Variants in ALK observed in about 807,000 individuals in gnomAD.
The protein encoded by ALK is ALK receptor tyrosine kinase.
A neutral mutation model predicts 163.1 loss-of-function variants in ALK; 74 were observed. That is an observed-to-expected ratio of 0.45 (90% CI 0.38 to 0.55). The LOEUF (loss-of-function observed/expected upper bound fraction) is 0.55. Among genes scored for constraint, ALK ranks in the 20% least tolerant of loss-of-function variants. ALK has a pLI of 0.00. For missense variants in ALK, 2,063 were observed against 2,105.3 expected (o/e 0.98, Z 0.39); for synonymous variants, 960 against 843.2 (o/e 1.14, Z -2.40).
chr2:29,575,959 A>T (rs11127227), intron 3 of ALK, among the ~76,000 whole-genome samples: 98,341 of 151,948 alleles, frequency 0.65, 32,240 homozygotes, highest in African/African-American at 0.75. Flanking sequence ...ATGTGTTTAT[A>T]TGAGAGCATA....
chr2:29,725,327 C>G (rs1679541320), intron 1 of ALK, among the ~76,000 whole-genome samples: 1 of 152,076 alleles, frequency 6.6e-6, no homozygotes, highest in Non-Finnish European at 1.5e-5. Flanking sequence ...AACTTATGCC[C>G]AAGCTAATCT....
At chr2:29,204,459 T>C (rs951557334) in intron 26 of ALK, among the ~76,000 whole-genome samples, 2 of 152,174 alleles carry the variant, frequency 1.3e-5, no homozygotes, top group African/African-American at 4.8e-5. Context: ...TATTCCTCAA[T>C]TGGGATTTGT....
At chr2:29,268,899 G>A (rs190592724) in intron 11 of ALK, among the ~76,000 whole-genome samples, 53 of 152,258 alleles carry the variant, frequency 3.5e-4, no homozygotes, top group African/African-American at 1.3e-3. Flanking sequence ...AGGTAGCTCC[G>A]TATGTGTCAG....
intron 1 of ALK, among the ~76,000 whole-genome samples, chr2:29,881,955 T>C (rs1445941498): frequency 6.6e-6 from 1 of 152,112 alleles, no homozygotes; most frequent in Non-Finnish European, 1.5e-5. Context: ...GCCTGCAGAA[T>C]GGGGTGTGAC....
At chr2:29,681,737 AC>A (rs1334180529) in intron 3 of ALK, among the ~76,000 whole-genome samples, 1 of 142,444 alleles carries the variant, frequency 7.0e-6, no homozygotes, top group Non-Finnish European at 1.6e-5. Flanking sequence ...TTCACCTACA[AC>A]CCCCCTGGGC....
In ALK at chr2:29,470,276, T is replaced by C. The variant is rs113269169; in HGVS notation, c.1154+61639A>G. 5.9e-5 allele frequency among the ~76,000 whole-genome samples: 9 copies of C among 152,132 alleles called. No homozygotes were observed. In the South Asian group the frequency reaches 8.3e-4, roughly 14 times the overall value. ...ACAATGAAAAGGTCTAAAATACATA[T>C]AATTTGAAGTCCCAGACAAGAGGAA... On this transcript the variant is annotated intron_variant, in intron 4 of 28. Transcript: ENST00000389048.
chr2:29,294,043 C>T (rs1301412285), intron 9 of ALK, among the ~76,000 whole-genome samples: 1 of 152,218 alleles, frequency 6.6e-6, no homozygotes, highest in East Asian at 1.9e-4. Context: ...TGCTGAATAG[C>T]TGAAGCCAGG....
intron 1 of ALK, among the ~76,000 whole-genome samples, chr2:29,902,008 TTTCTC>T (rs1667425462): frequency 6.6e-6 from 1 of 152,214 alleles, no homozygotes; most frequent in Admixed American, 6.5e-5. Flanking sequence ...AAGCTTTTCA[TTTCTC>T]TTATCTTCCA....
intron 1 of ALK, among the ~76,000 whole-genome samples, chr2:29,854,194 C>T (rs535869810): frequency 3.5e-5 from 3 of 86,066 alleles, no homozygotes; most frequent in South Asian, 6.1e-4. Flanking sequence ...GCTACGTTAA[C>T]GTTCCCTGTA....
rs1667661660 is a variant in ALK, at chr2:29,910,041, C to T, written c.667+9952G>A. On this transcript the variant is annotated intron_variant, in intron 1 of 28. Coordinates refer to ENST00000389048, the MANE Select transcript of ALK (RefSeq NM_004304.5). ...GAAGCAGGAAAATGTGACCTATTTC[C>T]AAGAGAAAAACTGATCAATATAAGT... is the stretch of plus-strand genomic sequence containing the variant. Among the ~76,000 whole-genome samples the T allele has an allele frequency of 2.0e-5, 3 of 148,562 alleles. No individual in the cohort carries two copies. In the South Asian group the frequency reaches 6.3e-4, roughly 31 times the overall value.
At chr2:29,575,980 C>T (rs1450028033) in intron 3 of ALK, among the ~76,000 whole-genome samples, 1 of 152,108 alleles carries the variant, frequency 6.6e-6, no homozygotes, top group Non-Finnish European at 1.5e-5. Flanking sequence ...CTGTGCACCT[C>T]CTGAGCCTCC....
chr2:29,727,524 A>G (rs991602352), intron 1 of ALK, among the ~76,000 whole-genome samples: 1 of 152,168 alleles, frequency 6.6e-6, no homozygotes, highest in Non-Finnish European at 1.5e-5. Context: ...GTTTCTCTGC[A>G]TGTAAAACAG....
chr2:29,867,496 A>G (rs1666464783), intron 1 of ALK, among the ~76,000 whole-genome samples: 1 of 152,200 alleles, frequency 6.6e-6, no homozygotes, highest in Non-Finnish European at 1.5e-5. Flanking sequence ...TGTTCATGGT[A>G]TTCAACAGAT....
chr2:29,433,029 C>T (rs1670310951), intron 4 of ALK, among the ~76,000 whole-genome samples: 1 of 152,172 alleles, frequency 6.6e-6, no homozygotes, highest in Non-Finnish European at 1.5e-5. Flanking sequence ...TGATTTCACA[C>T]AATTAACAAA....
chr2:29,575,558 G>A (rs951208619), intron 3 of ALK, among the ~76,000 whole-genome samples: 2 of 152,184 alleles, frequency 1.3e-5, no homozygotes, highest in Admixed American at 1.3e-4. Flanking sequence ...TATCTTGCTA[G>A]GGGGAAATTA....
chr2:29,504,080 T>G (rs1672253331), intron 4 of ALK, among the ~76,000 whole-genome samples: 1 of 152,106 alleles, frequency 6.6e-6, no homozygotes, highest in Admixed American at 6.5e-5. Flanking sequence ...AACACAACAC[T>G]GAGACAGAGG....
chr2:29,256,804 G>A (rs532406591), intron 11 of ALK, among the ~76,000 whole-genome samples: 21 of 152,134 alleles, frequency 1.4e-4, no homozygotes, highest in Admixed American at 1.0e-3. Context: ...GCTTAGCCTA[G>A]TGGAGCATGG....
chr2:29,844,365 G>C (rs1407931160), intron 1 of ALK, among the ~76,000 whole-genome samples: 1 of 152,276 alleles, frequency 6.6e-6, no homozygotes, highest in East Asian at 1.9e-4. Flanking sequence ...TGTACCTCGT[G>C]TGCCATTTTA....
chr2:29,669,116 G>T (rs377120020), intron 3 of ALK, among the ~76,000 whole-genome samples: 29 of 152,112 alleles, frequency 1.9e-4, no homozygotes, highest in African/African-American at 7.0e-4. Context: ...AGGCACATTA[G>T]ATCTAGTGTG....
Sources: allele counts gnomAD v4.1 joint callset (sites outside exome capture counted in the v4.1 genomes callset), GRCh38; gene constraint gnomAD v4.1.1; transcripts MANE v1.5; gene names NCBI Gene and HGNC (gene_info 2026-07-23, HGNC 2026-07-21).